The following KALRN variants were observed in gnomAD, a reference collection of about 807,000 sequenced individuals.
KALRN encodes kalirin RhoGEF kinase.
Under a neutral mutation model 353.7 loss-of-function variants are expected in KALRN, and 70 were observed. That is an observed-to-expected ratio of 0.20 (90% confidence interval 0.16 to 0.24). The LOEUF (loss-of-function observed/expected upper bound fraction) is 0.24, where lower values mean the gene tolerates loss of function less well. KALRN is among the 10% of genes least tolerant of loss of function. The pLI, the probability that KALRN is intolerant of heterozygous loss-of-function variation, is 1.00. For missense variants in KALRN, 2,791 were observed against 3,756.7 expected, an observed-to-expected ratio of 0.74 and a Z score of 6.72; for synonymous variants, 1,391 against 1,434.8, an observed-to-expected ratio of 0.97 and a Z score of 0.69.
rs188552163 is a variant in KALRN, at chr3:124,709,035, T to C, written c.8076-3900T>C. On this transcript the variant is annotated intron_variant, in intron 57 of 59. Transcript: ENST00000682506. ...AAGAATTCTAAATCTAGCAAAAATA[T>C]CCTCCAGGTGAAATGAATTGACTAC... 1.2e-3 allele frequency among the ~76,000 whole-genome samples: 184 copies of C among 151,894 alleles called. 1 individual carries two copies. Among genetic ancestry groups the C allele is most frequent in the South Asian group, 2.3e-3 (11 of 4,790 alleles).
At chr3:124,492,585 G>T (rs182994631) in intron 31 of KALRN, among the ~76,000 whole-genome samples, 155 bp from the exon 32 acceptor site, 128 of 152,272 alleles carry the variant, frequency 8.4e-4, no homozygotes, top group African/African-American at 2.8e-3. Context: ...CCTGTTTCTG[G>T]TATTGAAGAG....
chr3:124,632,718 C>T lies in KALRN; in HGVS notation c.5466+15C>T. The T allele has an allele frequency of 6.2e-7, 1 of 1,607,282 alleles. No homozygotes were observed. Among genetic ancestry groups the T allele is most frequent in the Non-Finnish European group, 8.5e-7 (1 of 1,175,578 alleles). ...GCGCTGATGAGGTACTTACAGGGGG[C>T]CCTGGAGTTGTCCATCAGGAGGGCC... On this transcript the variant is annotated intron_variant, in intron 35 of 59. Coordinates refer to ENST00000682506, the MANE Select transcript of KALRN (RefSeq NM_001388419.1).
At chr3:124,279,468 G>C (rs747711318) in intron 5 of KALRN, among the ~76,000 whole-genome samples, 9 of 152,096 alleles carry the variant, frequency 5.9e-5, no homozygotes, top group Non-Finnish European at 1.3e-4. Flanking sequence ...TCTCTTGAGG[G>C]GCATGCATGG....
At chr3:124,589,631 T>TA (rs1382986928) in intron 34 of KALRN, among the ~76,000 whole-genome samples, 1 of 152,184 alleles carries the variant, frequency 6.6e-6, no homozygotes, top group East Asian at 1.9e-4. Flanking sequence ...ATCCAGGGGA[T>TA]AAAATCCTTG....
At chr3:124,470,070 C>T (rs748026592) in intron 25 of KALRN, among the ~76,000 whole-genome samples, 17 of 152,142 alleles carry the variant, frequency 1.1e-4, no homozygotes, top group Non-Finnish European at 2.2e-4. Flanking sequence ...GAAGCATTTT[C>T]CTCATAAAGT....
intron 1 of KALRN, among the ~76,000 whole-genome samples, chr3:124,105,415 G>A (rs539883208): frequency 1.3e-5 from 2 of 152,222 alleles, no homozygotes; most frequent in Non-Finnish European, 2.9e-5. Flanking sequence ...TTGCCAAGAA[G>A]TGATGGTGAA....
At chr3:124,592,828 A>G (rs1175123106) in intron 34 of KALRN, among the ~76,000 whole-genome samples, 1 of 152,230 alleles carries the variant, frequency 6.6e-6, no homozygotes, top group East Asian at 1.9e-4. Context: ...CCCTGGTTAC[A>G]CCTGTGAGGC....
At chr3:124,487,592 A>G (rs1388302263) in intron 28 of KALRN, among the ~76,000 whole-genome samples, 3 of 152,234 alleles carry the variant, frequency 2.0e-5, no homozygotes, top group Non-Finnish European at 4.4e-5. Context: ...GAAATAGCCT[A>G]GAAGCCCATC....
intron 19 of KALRN, 21 bp downstream of exon 19, chr3:124,442,080 G>C: frequency 1.3e-6 from 2 of 1,504,858 alleles, no homozygotes; most frequent in Non-Finnish European, 1.8e-6. Flanking sequence ...GACCTGCCCA[G>C]CCACCAGTCA....
In KALRN at chr3:124,334,288, A is replaced by C. The variant is rs2080901974; in HGVS notation, c.1440A>C (p.Leu480=). The change falls in exon 9 of 60, where the codon CTA becomes CTC. Residue 480 remains leucine, a synonymous_variant. Transcript: ENST00000682506. The surrounding 1 kb of genome is among the most constrained non-coding windows in gnomAD (Gnocchi z 4.2). ...YTEVSQDGKA[L]LDVLQRPLSP... ...AGGTCAGCCAGGATGGCAAAGCACT[A>C]CTTGATGTGCTGCAGCGGCCCCTGA... 1 of 1,614,140 alleles carries C rather than the reference A, an allele frequency of 6.2e-7. No homozygotes were observed. Among genetic ancestry groups the C allele is most frequent in the African/African-American group, 1.3e-5 (1 of 75,042 alleles).
At chr3:124,517,265 C>T (rs575195915) in intron 33 of KALRN, among the ~76,000 whole-genome samples, 1 of 152,278 alleles carries the variant, frequency 6.6e-6, no homozygotes, top group African/African-American at 2.4e-5. Context: ...CTAAGTATAC[C>T]TTATATTCCT....
intron 36 of KALRN, among the ~76,000 whole-genome samples, chr3:124,636,733 T>A (rs1303341817): frequency 6.6e-6 from 1 of 152,104 alleles, no homozygotes; most frequent in Admixed American, 6.5e-5. Flanking sequence ...AATAAAGATC[T>A]ATATCTAAGG....
intron 34 of KALRN, among the ~76,000 whole-genome samples, chr3:124,626,515 A>C (rs2165252): frequency 0.67 from 101,627 of 152,002 alleles, 34,328 homozygotes; most frequent in East Asian, 0.8. Flanking sequence ...TTTTTTAATT[A>C]TAGAAAGCCA....
intron 34 of KALRN, among the ~76,000 whole-genome samples, chr3:124,564,581 G>A (rs1018098209): frequency 5.9e-5 from 9 of 152,124 alleles, no homozygotes; most frequent in African/African-American, 2.2e-4. Context: ...GTGGGGGGCT[G>A]GGGCAGGAGG....
rs1371719303 is a variant in KALRN, at chr3:124,717,236, C to T, written c.8277-11C>T. On this transcript the variant is annotated splice_polypyrimidine_tract_variant and intron_variant, in intron 58 of 59. Transcript: ENST00000682506. ...AACATATTTCCTTTGCCTTTCCCTG[C>T]CTACTTTCAGGATGGATGATGGCCG... 3.2e-6 allele frequency: 5 copies of T among 1,584,352 alleles called. No individual in the cohort carries two copies. The highest frequency in any genetic ancestry group is 3.4e-4 in the Middle Eastern group (2 of 5,944).
intron 8 of KALRN, among the ~76,000 whole-genome samples, chr3:124,332,633 C>T (rs1218724012): frequency 2.6e-5 from 4 of 151,998 alleles, no homozygotes. Flanking sequence ...CGTGATTGTG[C>T]CAGAACTCCA....
At chr3:124,662,021 G>A in intron 45 of KALRN, 93 bp downstream of exon 45, 1 of 986,136 alleles carries the variant, frequency 1.0e-6, no homozygotes, top group Non-Finnish European at 1.6e-6. Flanking sequence ...CTTGTGTCCT[G>A]CCTGTGCCTC....
intron 1 of KALRN, among the ~76,000 whole-genome samples, chr3:124,057,334 C>T (rs1237111564): frequency 6.6e-6 from 1 of 152,086 alleles, no homozygotes; most frequent in Non-Finnish European, 1.5e-5. Context: ...TTTTAAAGGT[C>T]AAGAAATTCT....
chr3:124,586,448 T>G (rs2713656), intron 34 of KALRN, among the ~76,000 whole-genome samples: 97,102 of 152,044 alleles, frequency 0.64, 31,680 homozygotes, highest in East Asian at 0.83. Flanking sequence ...TGGCTGCCCT[T>G]CAGGGTAACT....
Sources: gnomAD v4.1 joint callset for allele counts (sites outside exome capture counted in the v4.1 genomes callset) on GRCh38, gnomAD v4.1.1 for gene constraint, Gnocchi (gnomAD v3.1) non-coding constraint, MANE v1.5 for transcripts, NCBI Gene and HGNC (gene_info 2026-07-23, HGNC 2026-07-21) for gene names.